The following NSUN6 variants were observed in gnomAD, a reference collection of about 807,000 sequenced individuals.
The protein encoded by NSUN6 is NOP2/Sun RNA methyltransferase 6, also known as tRNA (cytosine(72)-C(5))-methyltransferase NSUN6.
In NSUN6, 64 loss-of-function variants were observed where a neutral mutation model predicts 58.0. The ratio of observed to expected loss-of-function variants is 1.10; its 90% confidence interval spans 0.90 to 1.36. The LOEUF (loss-of-function observed/expected upper bound fraction) is 1.36, where lower values mean the gene tolerates loss of function less well. Among genes scored for constraint, NSUN6 ranks in the 40% most tolerant of loss-of-function variants. The probability of loss-of-function intolerance (pLI) is 0.00; values close to 1 mark genes in which losing one functional copy is unlikely to be tolerated. For missense variants in NSUN6, 701 were observed against 550.1 expected (o/e 1.27, Z -2.74); for synonymous variants, 231 against 193.9 (o/e 1.19, Z -1.59).
At chr10:18,633,092 T>A (rs557007410) in intron 3 of NSUN6, among the ~76,000 whole-genome samples, 23 of 152,104 alleles carry the variant, frequency 1.5e-4, no homozygotes, top group Non-Finnish European at 2.8e-4. Context: ...AATGATGAGT[T>A]CGTGTCCTTT....
chr10:18,554,322 G>A (rs2054823954), intron 8 of NSUN6, among the ~76,000 whole-genome samples: 1 of 150,910 alleles, frequency 6.6e-6, no homozygotes, highest in South Asian at 2.1e-4. Flanking sequence ...AGAGTGGAAT[G>A]CAATGTGGAA....
chr10:18,651,733 C>A (rs1425432225), upstream of NSUN6: 5 of 985,632 alleles, frequency 5.1e-6, no homozygotes, highest in Non-Finnish European at 6.0e-6. Flanking sequence ...CTACGCCACG[C>A]CCCCGGAGGT....
chr10:18,611,201 T>A (rs7101133), intron 5 of NSUN6, among the ~76,000 whole-genome samples: 38,033 of 151,796 alleles, frequency 0.25, 5,491 homozygotes, highest in East Asian at 0.73. Context: ...AATAAAATTT[T>A]TAAAAAAATT....
At chr10:18,622,492 T>C (rs1344039070) in intron 3 of NSUN6, among the ~76,000 whole-genome samples, 1 of 152,202 alleles carries the variant, frequency 6.6e-6, no homozygotes, top group Non-Finnish European at 1.5e-5. Context: ...GGTGGGCAGA[T>C]TACCTGAGGT....
chr10:18,551,677 T>A (rs1695809511), intron 9 of NSUN6, 146 bp downstream of exon 9: 1 of 613,764 alleles, frequency 1.6e-6, no homozygotes, highest in Non-Finnish European at 2.9e-6. Context: ...GCACATTCTG[T>A]TATCCATGTA....
rs139827293 is a variant in NSUN6, at chr10:18,618,410, A to G, written c.312-2117T>C. Among the ~76,000 whole-genome samples the G allele has an allele frequency of 2.1e-4, 32 of 152,224 alleles. No homozygotes were observed. In the East Asian group the frequency reaches 5.0e-3, roughly 24 times the overall value. On this transcript the variant is annotated intron_variant, in intron 3 of 10. Transcript: ENST00000377304. ...AAAAATATAAATGCTGGTCAGGTGC[A>G]GTGGCTCACACCTGTAATCCCAGTA...
In NSUN6 at chr10:18,551,939, G is replaced by A. The variant is rs139589125; in HGVS notation, c.955C>T (p.Arg319Ter). 106 of 1,607,016 alleles carry A rather than the reference G, an allele frequency of 6.6e-5. No homozygotes were observed. In the East Asian group the frequency reaches 9.6e-4, roughly 15 times the overall value. The change falls in exon 9 of 11, where the codon CGA becomes TGA. Residue 319 changes from arginine (R) to a stop codon, truncating the protein, a stop_gained. Transcript: ENST00000377304. LOFTEE classifies it high-confidence loss of function. ...CTACAGGGTGCATCCAGAAGAATTC[G>A]GTCAAAGGATTCTGGTAGAAATGGA... The part of the protein sequence containing the change: ...EPPFLPESFD[R>*]ILLDAPCSGM...
intron 3 of NSUN6, among the ~76,000 whole-genome samples, chr10:18,636,341 A>C (rs1318269083): frequency 6.6e-6 from 1 of 151,034 alleles, no homozygotes; most frequent in Non-Finnish European, 1.5e-5. Flanking sequence ...ATAACATGAT[A>C]TAAAGCTTGA....
At chr10:18,600,631 G>C (rs2057767382) in intron 6 of NSUN6, among the ~76,000 whole-genome samples, 1 of 151,262 alleles carries the variant, frequency 6.6e-6, no homozygotes, top group African/African-American at 2.4e-5. Context: ...CAAAAAAAGA[G>C]AAGAGACTAC....
intron 2 of NSUN6, 76 bp downstream of exon 2, chr10:18,648,414 T>C: frequency 2.2e-6 from 2 of 905,602 alleles, no homozygotes. Context: ...ATTATATCAT[T>C]CATAGGATTT....
intron 9 of NSUN6, among the ~76,000 whole-genome samples, chr10:18,549,205 G>C (rs2054462475): frequency 6.6e-6 from 1 of 152,084 alleles, no homozygotes; most frequent in Admixed American, 6.5e-5. Context: ...AGAGGTCTTT[G>C]AGGTCAGACA....
rs111942482 is a variant in NSUN6, at chr10:18,615,378, G to T, written c.422-765C>A. On this transcript the variant is annotated intron_variant, in intron 4 of 10. Coordinates refer to ENST00000377304, the MANE Select transcript of NSUN6 (RefSeq NM_182543.5). ...GACAACAATAGCGAACAGCCTATTA[G>T]CTAGAGCTAAGAGAACTGTTAAAAT... 5.1e-3 allele frequency among the ~76,000 whole-genome samples: 772 copies of T among 152,274 alleles called. 3 individuals are homozygous for T. The highest frequency in any genetic ancestry group is 0.016 in the African/African-American group (648 of 41,556).
chr10:18,594,021 G>A, intron 7 of NSUN6, among the ~76,000 whole-genome samples: 1 of 151,938 alleles, frequency 6.6e-6, no homozygotes, highest in East Asian at 1.9e-4. Flanking sequence ...CCAACATGGT[G>A]AAACCCCATC....
intron 6 of NSUN6, among the ~76,000 whole-genome samples, chr10:18,609,312 A>AAAT (rs897152182): frequency 2.6e-5 from 4 of 152,142 alleles, no homozygotes; most frequent in Admixed American, 2.0e-4. Context: ...GCCTGTCTCA[A>AAAT]AATAATAATA....
At chr10:18,655,276 T>A, upstream of NSUN6, 8 of 279,814 alleles carry the variant, frequency 2.9e-5, no homozygotes, top group Non-Finnish European at 3.8e-5. Flanking sequence ...CTTTGACACC[T>A]CTGGTGTCAA....
At position 18,642,496 on chromosome 10, in the gene NSUN6, A is replaced by G. The variant is rs781285815; in HGVS notation, c.291T>C (p.Leu97=). The G allele has an allele frequency of 1.1e-5, 17 of 1,539,932 alleles. No homozygotes were observed. The highest frequency in any genetic ancestry group is 1.4e-5 in the Non-Finnish European group (16 of 1,113,550). ...CAAACCTGGGTCCAATAACAGGAATAAGTAACACATCTTGAAGGTCTGGAT... is the reference window on the plus strand; with the variant it reads ...CAAACCTGGGTCCAATAACAGGAATGAGTAACACATCTTGAAGGTCTGGAT... ...LQHPDLQDVL[L]IPVIGPRKNI... The change falls in exon 3 of 11, where the codon CTT becomes CTC. Residue 97 remains leucine, a synonymous_variant. Transcript: ENST00000377304.
At chr10:18,636,672 T>A (rs2059225305) in intron 3 of NSUN6, among the ~76,000 whole-genome samples, 1 of 151,408 alleles carries the variant, frequency 6.6e-6, no homozygotes, top group Admixed American at 6.6e-5. Flanking sequence ...GGCGGGCAGA[T>A]CACAAGGTCA....
intron 6 of NSUN6, 54 bp downstream of exon 6, chr10:18,609,791 T>C: frequency 2.1e-6 from 2 of 940,684 alleles, no homozygotes; most frequent in Non-Finnish European, 1.7e-6. Context: ...TTTCAAATAA[T>C]TCACTGATGT....
At chr10:18,603,218 G>A (rs1256548614) in intron 6 of NSUN6, among the ~76,000 whole-genome samples, 1 of 152,164 alleles carries the variant, frequency 6.6e-6, no homozygotes, top group Non-Finnish European at 1.5e-5. Flanking sequence ...GGTTGAACCT[G>A]GGAGGCGGAG....
Sources: allele counts gnomAD v4.1 joint callset (sites outside exome capture counted in the v4.1 genomes callset), GRCh38; gene constraint gnomAD v4.1.1; transcripts MANE v1.5; gene names NCBI Gene and HGNC (gene_info 2026-07-23, HGNC 2026-07-21).